Variants in PRRC1 observed in about 807,000 individuals in gnomAD.
PRRC1 encodes protein PRRC1.
PRRC1 carries 39 observed loss-of-function variants against 40.7 expected under a neutral mutation model. The observed-to-expected ratio is 0.96, with a 90% CI of 0.74 to 1.25. PRRC1 has a LOEUF of 1.25. Ranked by LOEUF, PRRC1 falls within the 50% of genes most tolerant of loss-of-function variation. PRRC1 has a pLI of 0.00. For missense variants in PRRC1, 573 were observed against 548.3 expected (o/e 1.05, Z -0.45); for synonymous variants, 175 against 193.3 (o/e 0.91, Z 0.79).
chr5:127,545,218 A>G (rs926882627), intron 7 of PRRC1, among the ~76,000 whole-genome samples: 2 of 151,858 alleles, frequency 1.3e-5, no homozygotes, highest in African/African-American at 4.8e-5. Context: ...CCATTGTGGA[A>G]GTCAGTGTGG....
chr5:127,523,737 AAG>A, intron 2 of PRRC1, 155 bp downstream of exon 2: 1 of 453,582 alleles, frequency 2.2e-6, no homozygotes, highest in South Asian at 6.7e-5. Flanking sequence ...AAAGAATAGA[AAG>A]AAAGTCTTGT....
Position 127,524,669 on chromosome 5 carries a change from C to T in PRRC1, c.242C>T (p.Pro81Leu). 6.2e-7 allele frequency: 1 copy of T among 1,614,186 alleles called. No homozygotes were observed. The highest frequency in any genetic ancestry group is 8.5e-7 in the Non-Finnish European group (1 of 1,180,042). ...CCTTTTGTGCCTCCTCCTGCAGTTC[C>T]TTCTGTCCCACCACTTGTTACTTCT... ...PLPFVPPPAVPSVPPLVTSMP... is the reference protein window; with the variant it reads ...PLPFVPPPAVLSVPPLVTSMP... The change falls in exon 3 of 9, where the codon CCT (proline) becomes CTT (leucine). Residue 81 changes from proline (P) to leucine (L), a missense_variant. Physicochemically the swap from Pro to Leu is moderately conservative, Grantham distance 98 (BLOSUM62 -3). Coordinates refer to ENST00000296666, the MANE Select transcript of PRRC1 (RefSeq NM_130809.5).
rs145422063 is a variant in PRRC1, at chr5:127,552,936, A to G, written c.*1020A>G. Reference sequence around the variant, plus strand: ...TTTCAAAGAAACTATTTTATATTCAATCTAGTTTATTTAGTCTACTGTATT... The same window carrying G: ...TTTCAAAGAAACTATTTTATATTCAGTCTAGTTTATTTAGTCTACTGTATT... On this transcript the variant is annotated 3_prime_UTR_variant, in exon 9 of 9. Coordinates refer to ENST00000296666, the MANE Select transcript of PRRC1 (RefSeq NM_130809.5). 3,069 of 890,116 alleles carry G rather than the reference A, an allele frequency of 3.4e-3. 16 individuals are homozygous for G. Among genetic ancestry groups the G allele is most frequent in the Middle Eastern group, 0.012 (21 of 1,684 alleles). The allele number at this position is 890,116 out of a possible 1,614,324, so 55.1% of individuals were successfully genotyped here.
At chr5:127,549,030 A>G (rs1359012647) in intron 8 of PRRC1, 1 of 152,106 alleles carries the variant, frequency 6.6e-6, no homozygotes. Flanking sequence ...AAGTTTTGCC[A>G]TAGTTAAGAG....
intron 6 of PRRC1, among the ~76,000 whole-genome samples, chr5:127,538,335 ACTT>A (rs1434994791): frequency 3.9e-5 from 6 of 152,058 alleles, no homozygotes; most frequent in Non-Finnish European, 7.4e-5. Flanking sequence ...TTCTGTTCAG[ACTT>A]CTTATCTTGC....
chr5:127,537,484 CAAAA>C (rs1277720012), intron 6 of PRRC1, among the ~76,000 whole-genome samples: 2 of 151,730 alleles, frequency 1.3e-5, no homozygotes, highest in South Asian at 4.2e-4. Context: ...ATTTTATAAA[CAAAA>C]AAGAAATTTG....
In PRRC1 at chr5:127,553,364, TAATG is replaced by T; in HGVS notation, c.*1450_*1453del. 1 of 1,008,052 alleles carries T rather than the reference TAATG, an allele frequency of 9.9e-7. No individual in the cohort carries two copies. The highest frequency in any genetic ancestry group is 1.2e-6 in the Non-Finnish European group (1 of 845,472). The allele number at this position is 1,008,052 out of a possible 1,614,324, so 62.4% of individuals were successfully genotyped here. ...TATATGTTACTTTCCAAGCACTGTA[TAATG>T]ACTGTTCAGTGAATATCAGACTTCC... On this transcript the variant is annotated 3_prime_UTR_variant, in exon 9 of 9. Transcript: ENST00000296666.
Position 127,552,744 on chromosome 5 carries a change from T to TC in PRRC1, c.*830dup. 2 of 984,286 alleles carry TC rather than the reference T, an allele frequency of 2.0e-6. No individual in the cohort carries two copies. The highest frequency in any genetic ancestry group is 2.4e-6 in the Non-Finnish European group (2 of 828,498). 61.0% of individuals were successfully genotyped at this position (984,286 alleles called of 1,614,324 possible). A position where few individuals can be genotyped will look rare whatever the true frequency, so the allele number is the denominator to read the frequency against. Reference sequence around the variant, plus strand: ...TCTGACAACAGCCATTGTTTCTGCTTCCACTCATATTCTCTACACATTTTA... The same window carrying TC: ...TCTGACAACAGCCATTGTTTCTGCTTCCCACTCATATTCTCTACACATTTTA... On this transcript the variant is annotated 3_prime_UTR_variant, in exon 9 of 9. Transcript: ENST00000296666.
At chr5:127,542,632 C>T (rs1316709323) in intron 7 of PRRC1, among the ~76,000 whole-genome samples, 2 of 151,430 alleles carry the variant, frequency 1.3e-5, no homozygotes, top group East Asian at 1.9e-4. Flanking sequence ...TATGTAATGG[C>T]CTTCTTTGTC....
chr5:127,553,358 A>G lies in PRRC1; in HGVS notation c.*1442A>G. 1 of 990,062 alleles carries G rather than the reference A, an allele frequency of 1.0e-6. No homozygotes were observed. The highest frequency in any genetic ancestry group is 1.2e-6 in the Non-Finnish European group (1 of 833,186). 61.3% of individuals were successfully genotyped at this position (990,062 alleles called of 1,614,324 possible). The stretch of plus-strand genomic sequence containing the variant: ...ATTAAATATATGTTACTTTCCAAGC[A>G]CTGTATAATGACTGTTCAGTGAATA... On this transcript the variant is annotated 3_prime_UTR_variant, in exon 9 of 9. Transcript: ENST00000296666.
At chr5:127,520,472 T>C (rs979324406) in intron 1 of PRRC1, among the ~76,000 whole-genome samples, 1 of 152,212 alleles carries the variant, frequency 6.6e-6, no homozygotes, top group African/African-American at 2.4e-5. Flanking sequence ...TGGAATACTA[T>C]TCAGCAATAA....
rs1768431747 is a variant in PRRC1, at chr5:127,552,976, GC to G, written c.*1062del. The G allele has an allele frequency of 2.4e-6, 2 of 818,594 alleles. No homozygotes were observed. The highest frequency in any genetic ancestry group is 1.9e-5 in the African/African-American group (1 of 53,684). The allele number at this position is 818,594 out of a possible 1,614,324, so 50.7% of individuals were successfully genotyped here. A position where few individuals can be genotyped will look rare whatever the true frequency, so the allele number is the denominator to read the frequency against. On this transcript the variant is annotated 3_prime_UTR_variant, in exon 9 of 9. Transcript: ENST00000296666. Reference sequence around the variant, plus strand: ...TCTACTGTATTTCTATTTCGTGGAAGCCTTTTCCCCTCAAATAATATATTAT... The same window carrying G: ...TCTACTGTATTTCTATTTCGTGGAAGCTTTTCCCCTCAAATAATATATTAT...
chr5:127,535,812 C>T (rs922323277), intron 6 of PRRC1, among the ~76,000 whole-genome samples: 1 of 152,056 alleles, frequency 6.6e-6, no homozygotes, highest in African/African-American at 2.4e-5. Context: ...AAGTCTGTTG[C>T]ATTAATTATA....
chr5:127,544,827 G>A (rs776792349), intron 7 of PRRC1, among the ~76,000 whole-genome samples: 4 of 152,186 alleles, frequency 2.6e-5, no homozygotes, highest in Admixed American at 6.5e-5. Flanking sequence ...GACCCCTTGC[G>A]CTTCCCGAGT....
In PRRC1 at chr5:127,539,034, G is replaced by A. The variant is rs368796036; in HGVS notation, c.922-6G>A. The A allele has an allele frequency of 5.0e-5, 81 of 1,610,630 alleles. No homozygotes were observed. The highest frequency in any genetic ancestry group is 6.6e-5 in the Non-Finnish European group (78 of 1,177,312). ...ATGGTCTCTAACCTCTGCCATTGTT[G>A]TTTAGGGTGCTCAGGAACGGATAGA... On this transcript the variant is annotated splice_polypyrimidine_tract_variant and splice_region_variant and intron_variant, in intron 6 of 8. Transcript: ENST00000296666.
chr5:127,542,329 G>A (rs1177381088), intron 7 of PRRC1, among the ~76,000 whole-genome samples: 4 of 152,094 alleles, frequency 2.6e-5, no homozygotes, highest in African/African-American at 4.8e-5. Context: ...GTGGTGTGGT[G>A]CTGAAAAAAA....
intron 7 of PRRC1, among the ~76,000 whole-genome samples, chr5:127,546,928 C>T (rs1034719683): frequency 6.6e-6 from 1 of 152,036 alleles, no homozygotes; most frequent in African/African-American, 2.4e-5. Flanking sequence ...GATATGAACA[C>T]TATAGACATT....
chr5:127,534,480 C>G (rs961808334), intron 6 of PRRC1, among the ~76,000 whole-genome samples: 2 of 152,218 alleles, frequency 1.3e-5, no homozygotes, highest in African/African-American at 4.8e-5. Context: ...CAGGCTCGTG[C>G]TAATGTTCTC....
In PRRC1 at chr5:127,553,479, A is replaced by T. The variant is rs767085072; in HGVS notation, c.*1563A>T. Reference sequence around the variant, plus strand: ...TGTCCAGGAGTAACAGGGACAGAATACTTTCTTTCTTTCCTTCAAGTACAA... The same window carrying T: ...TGTCCAGGAGTAACAGGGACAGAATTCTTTCTTTCTTTCCTTCAAGTACAA... On this transcript the variant is annotated 3_prime_UTR_variant, in exon 9 of 9. Transcript: ENST00000296666. 2.6e-6 allele frequency: 3 copies of T among 1,137,750 alleles called. No individual in the cohort carries two copies. Among genetic ancestry groups the T allele is most frequent in the Non-Finnish European group, 3.3e-6 (3 of 922,146 alleles). The allele number at this position is 1,137,750 out of a possible 1,614,324, so 70.5% of individuals were successfully genotyped here. A position where few individuals can be genotyped will look rare whatever the true frequency, so the allele number is the denominator to read the frequency against.
Sources: gnomAD v4.1 joint callset for allele counts (sites outside exome capture counted in the v4.1 genomes callset) on GRCh38, gnomAD v4.1.1 for gene constraint, MANE v1.5 for transcripts, NCBI Gene and HGNC (gene_info 2026-07-23, HGNC 2026-07-21) for gene names.